The following TTC29 variants were observed in gnomAD, a reference collection of about 807,000 sequenced individuals.
TTC29 encodes the protein tetratricopeptide repeat domain 29.
A neutral mutation model predicts 58.1 loss-of-function variants in TTC29; 49 were observed. That is an observed-to-expected ratio of 0.84 (90% CI 0.67 to 1.07). The LOEUF is 1.07. TTC29 is among the 50% of genes least tolerant of loss of function. The probability of loss-of-function intolerance (pLI) is 0.00; values close to 1 mark genes in which losing one functional copy is unlikely to be tolerated. For synonymous variants in TTC29, 209 were observed against 196.8 expected (o/e 1.06, Z -0.52); for missense variants, 582 against 555.6 (o/e 1.05, Z -0.48).
intron 6 of TTC29, among the ~76,000 whole-genome samples, chr4:146,888,545 A>G (rs1048553101): frequency 9.9e-5 from 15 of 152,270 alleles, no homozygotes; most frequent in African/African-American, 3.4e-4. Context: ...TGGAAGTGAA[A>G]AGAGAAAGCA....
intron 10 of TTC29, among the ~76,000 whole-genome samples, chr4:146,814,529 C>A (rs1751255858): frequency 6.6e-6 from 1 of 151,884 alleles, no homozygotes; most frequent in African/African-American, 2.4e-5. Flanking sequence ...AGATCAAGAC[C>A]ATCATGGCCA....
chr4:146,941,474 G>A (rs1736382020), intron 2 of TTC29, among the ~76,000 whole-genome samples: 1 of 152,152 alleles, frequency 6.6e-6, no homozygotes, highest in Admixed American at 6.5e-5. Context: ...TGCAGTATGG[G>A]GGTAAATAGG....
At chr4:146,784,827 T>C (rs185216625) in intron 11 of TTC29, among the ~76,000 whole-genome samples, 1 of 152,246 alleles carries the variant, frequency 6.6e-6, no homozygotes, top group Admixed American at 6.5e-5. Context: ...TCTGAAAAAA[T>C]GGAGGATAAA....
At chr4:146,820,074 T>G (rs1315122140) in intron 10 of TTC29, 51 bp downstream of exon 10, 1 of 1,601,056 alleles carries the variant, frequency 6.2e-7, no homozygotes, top group Non-Finnish European at 8.5e-7. Context: ...ATGGGAAATT[T>G]CTCCCTAAAC....
intron 8 of TTC29, among the ~76,000 whole-genome samples, chr4:146,836,109 A>C (rs1248975615): frequency 5.3e-5 from 8 of 152,172 alleles, no homozygotes; most frequent in Non-Finnish European, 1.0e-4. Context: ...AGTAAAAAAG[A>C]AAATCTACTT....
intron 11 of TTC29, among the ~76,000 whole-genome samples, chr4:146,721,992 T>C (rs1743395056): frequency 1.3e-5 from 2 of 151,978 alleles, no homozygotes; most frequent in Admixed American, 1.3e-4. Flanking sequence ...TGTAAAAAAA[T>C]CAGTAGCATT....
intron 11 of TTC29, among the ~76,000 whole-genome samples, chr4:146,715,475 C>A (rs1742860941): frequency 6.6e-6 from 1 of 152,094 alleles, no homozygotes; most frequent in Admixed American, 6.6e-5. Flanking sequence ...AGAAATGAGC[C>A]TGGTGAACAT....
chr4:146,883,598 T>C lies in TTC29; in HGVS notation c.587-8670A>G, dbSNP rs370886719. The stretch of plus-strand genomic sequence containing the variant: ...GGTCAGTTGTACCTCTGAAGAGATA[T>C]TTTAGGGGCAGTGCCTCTTCCTAGA... On this transcript the variant is annotated intron_variant, in intron 6 of 12. Transcript: ENST00000325106. Among the ~76,000 whole-genome samples the C allele has an allele frequency of 2.6e-5, 4 of 152,048 alleles. No homozygotes were observed. In the South Asian group the frequency reaches 8.3e-4, roughly 32 times the overall value.
At chr4:146,802,110 G>C (rs953032320) in intron 11 of TTC29, among the ~76,000 whole-genome samples, 1 of 147,670 alleles carries the variant, frequency 6.8e-6, no homozygotes, top group Non-Finnish European at 1.5e-5. Context: ...AATTACCATT[G>C]TGATGATTGG....
chr4:146,740,397 A>C (rs1453241485), intron 11 of TTC29, among the ~76,000 whole-genome samples: 3 of 152,222 alleles, frequency 2.0e-5, no homozygotes, highest in Non-Finnish European at 4.4e-5. Flanking sequence ...AAAATAGATA[A>C]CAGGGAATGG....
rs1371423847 is a variant in TTC29, at chr4:146,708,316, A to ATATATATATATACATGTATGTGTGTG, written c.1331-766_1331-765insCACACACATACATGTATATATATATA. The stretch of plus-strand genomic sequence containing the variant: ...AGTCAAATATGGGAAGTTTATATAT[A>ATATATATATATACATGTATGTGTGTG]TATATATATATATATATATATATAT... On this transcript the variant is annotated intron_variant, in intron 11 of 12. Coordinates refer to ENST00000325106, the MANE Select transcript of TTC29 (RefSeq NM_031956.4). Among the ~76,000 whole-genome samples, 4 of 25,836 alleles carry ATATATATATATACATGTATGTGTGTG rather than the reference A, an allele frequency of 1.5e-4. 1 individual carries two copies. Among genetic ancestry groups the ATATATATATATACATGTATGTGTGTG allele is most frequent in the African/African-American group, 3.0e-4 (4 of 13,216 alleles). 16.9% of individuals were successfully genotyped at this position (25,836 alleles called of 152,430 possible).
chr4:146,902,862 T>C (rs748059683), intron 6 of TTC29, among the ~76,000 whole-genome samples: 36 of 152,304 alleles, frequency 2.4e-4, no homozygotes, highest in Middle Eastern at 6.8e-3. Context: ...TTCACCAAAG[T>C]AAAAACTTTT....
chr4:146,746,660 T>C (rs903817522), intron 11 of TTC29, among the ~76,000 whole-genome samples: 5 of 152,146 alleles, frequency 3.3e-5, no homozygotes, highest in East Asian at 1.9e-4. Context: ...CCCTCCCCTG[T>C]CCCACCAGAT....
intron 10 of TTC29, among the ~76,000 whole-genome samples, chr4:146,815,863 C>T (rs1161577750): frequency 6.6e-6 from 1 of 152,150 alleles, no homozygotes; most frequent in Admixed American, 6.6e-5. Flanking sequence ...TTTTAGCCTA[C>T]CTCCAAACAA....
chr4:146,878,226 A>G (rs75755639), intron 6 of TTC29, among the ~76,000 whole-genome samples: 2,622 of 152,272 alleles, frequency 0.017, 85 homozygotes, highest in African/African-American at 0.058. Flanking sequence ...GCTTTTTGCT[A>G]GAGCTTTCAG....
At chr4:146,902,749 C>T (rs140940531) in intron 6 of TTC29, among the ~76,000 whole-genome samples, 2 of 152,118 alleles carry the variant, frequency 1.3e-5, no homozygotes, top group Non-Finnish European at 1.5e-5. Context: ...AGGCGCCTTG[C>T]GAGCTTTAGC....
chr4:146,774,786 G>T (rs1348188415), intron 11 of TTC29, among the ~76,000 whole-genome samples: 1 of 151,996 alleles, frequency 6.6e-6, no homozygotes, highest in Non-Finnish European at 1.5e-5. Flanking sequence ...AGTTATCAAT[G>T]ATCTGTCTCA....
chr4:146,798,466 T>A (rs1490307662), intron 11 of TTC29, among the ~76,000 whole-genome samples: 3 of 152,136 alleles, frequency 2.0e-5, no homozygotes. Flanking sequence ...CTATAGTTGT[T>A]TAATATATAA....
At chr4:146,814,965 G>T (rs940994959) in intron 10 of TTC29, among the ~76,000 whole-genome samples, 1 of 152,130 alleles carries the variant, frequency 6.6e-6, no homozygotes. Flanking sequence ...CTATGGTGGA[G>T]TGGATAAAAA....
Sources: gnomAD v4.1 joint callset for allele counts (sites outside exome capture counted in the v4.1 genomes callset) on GRCh38, gnomAD v4.1.1 for gene constraint, MANE v1.5 for transcripts, NCBI Gene and HGNC (gene_info 2026-07-23, HGNC 2026-07-21) for gene names.